SLC35D4: variants seen among roughly 807,000 people sequenced by gnomAD.
SLC35D4 encodes solute carrier family 35 member D4.
chr18:23,391,597 C>T, the SLC35D4 span, among the ~76,000 whole-genome samples: 1 of 152,206 alleles, frequency 6.6e-6, no homozygotes, highest in Non-Finnish European at 1.5e-5. Context: ...AAGTGATCCT[C>T]CCACCTCAGC....
At chr18:23,379,860 C>T in the SLC35D4 span, among the ~76,000 whole-genome samples, 1 of 151,928 alleles carries the variant, frequency 6.6e-6, no homozygotes, top group Non-Finnish European at 1.5e-5. Flanking sequence ...CTTGGGGAGG[C>T]CGAGGAGGGC....
chr18:23,352,553 A>G, the SLC35D4 span, among the ~76,000 whole-genome samples: 8 of 152,228 alleles, frequency 5.3e-5, no homozygotes, highest in African/African-American at 1.9e-4. Flanking sequence ...CTAAATCATG[A>G]AAGAAAAAAA....
chr18:23,331,189 C>T, the SLC35D4 span: 2 of 152,302 alleles, frequency 1.3e-5, no homozygotes, highest in East Asian at 1.9e-4. Context: ...AGGAAAAGCG[C>T]GCCCGTGTGG....
chr18:23,273,157 G>A, the SLC35D4 span, among the ~76,000 whole-genome samples: 1 of 152,210 alleles, frequency 6.6e-6, no homozygotes, highest in Non-Finnish European at 1.5e-5. Flanking sequence ...GGAAAGACTT[G>A]AGGGTGTTTC....
chr18:23,280,367 G>A, the SLC35D4 span, among the ~76,000 whole-genome samples: 3 of 152,218 alleles, frequency 2.0e-5, no homozygotes, highest in Non-Finnish European at 4.4e-5. Flanking sequence ...GGCTGAGGCC[G>A]GCAGCTGTCA....
chr18:23,352,220 A>C, the SLC35D4 span: 1 of 1,612,682 alleles, frequency 6.2e-7, no homozygotes. Context: ...TCCAGGCTGC[A>C]CACTGCCCTG....
At chr18:23,347,392 A>C in the SLC35D4 span, among the ~76,000 whole-genome samples, 16 of 134,132 alleles carry the variant, frequency 1.2e-4, no homozygotes, top group East Asian at 3.2e-3. Context: ...CAAATTTGAT[A>C]ATTTGCATCT....
the SLC35D4 span, among the ~76,000 whole-genome samples, chr18:23,362,444 C>T: frequency 1.3e-5 from 2 of 152,012 alleles, no homozygotes; most frequent in African/African-American, 4.8e-5. Flanking sequence ...ACTAAAAATA[C>T]AAAAATTAGC....
the SLC35D4 span, among the ~76,000 whole-genome samples, chr18:23,298,828 G>A: frequency 6.6e-6 from 1 of 152,180 alleles, no homozygotes; most frequent in Non-Finnish European, 1.5e-5. Flanking sequence ...AGAGGTGCCA[G>A]CAGCCCGTTT....
At chr18:23,405,890 G>A in the SLC35D4 span, among the ~76,000 whole-genome samples, 1 of 152,188 alleles carries the variant, frequency 6.6e-6, no homozygotes. Flanking sequence ...TAGTCACCTG[G>A]TATGTGTAAA....
the SLC35D4 span, chr18:23,258,035 A>G: frequency 6.6e-6 from 1 of 152,208 alleles, no homozygotes; most frequent in African/African-American, 2.4e-5. Flanking sequence ...TCGGTACCAG[A>G]CAGTTTGACA....
chr18:23,385,747 C>T, the SLC35D4 span, among the ~76,000 whole-genome samples: 2 of 152,062 alleles, frequency 1.3e-5, no homozygotes, highest in African/African-American at 4.8e-5. Flanking sequence ...GACCATAACA[C>T]GATCTGCATG....
the SLC35D4 span, among the ~76,000 whole-genome samples, chr18:23,308,249 C>T: frequency 6.6e-6 from 1 of 152,162 alleles, no homozygotes; most frequent in African/African-American, 2.4e-5. Context: ...CCCAGAAGCC[C>T]TGAGGAGACA....
At chr18:23,316,908 A>ACAT in the SLC35D4 span, among the ~76,000 whole-genome samples, 1 of 152,214 alleles carries the variant, frequency 6.6e-6, no homozygotes, top group Middle Eastern at 3.2e-3. Context: ...GATCCCTACA[A>ACAT]CATCCCTGCA....
At chr18:23,334,979 T>C in the SLC35D4 span, among the ~76,000 whole-genome samples, 1 of 151,238 alleles carries the variant, frequency 6.6e-6, no homozygotes, top group East Asian at 1.9e-4. Context: ...CACTCCAGCC[T>C]GAGCGACAGA....
chr18:23,283,324 T>A, the SLC35D4 span, among the ~76,000 whole-genome samples: 1 of 149,862 alleles, frequency 6.7e-6, no homozygotes, highest in Admixed American at 6.6e-5. Context: ...ACAAAAAAAA[T>A]ACAAAAATTA....
At chr18:23,420,186 C>T in the SLC35D4 span, among the ~76,000 whole-genome samples, 1 of 151,978 alleles carries the variant, frequency 6.6e-6, no homozygotes, top group African/African-American at 2.4e-5. Context: ...GCCTGTAATC[C>T]CAGCTACTCA....
chr18:23,377,589 T>A, the SLC35D4 span: 1 of 1,522,556 alleles, frequency 6.6e-7, no homozygotes, highest in Non-Finnish European at 8.8e-7. Context: ...ATCATTCAAG[T>A]TAAAAATAGG....
the SLC35D4 span, chr18:23,309,665 A>G: frequency 4.3e-6 from 7 of 1,612,858 alleles, no homozygotes; most frequent in African/African-American, 5.3e-5. Context: ...TTATCTCTCT[A>G]TGCAAAAGAC....
Sources: gnomAD v4.1 joint callset for allele counts (sites outside exome capture counted in the v4.1 genomes callset) on GRCh38, gnomAD v4.1.1 for gene constraint, MANE v1.5 for transcripts, NCBI Gene and HGNC (gene_info 2026-07-23, HGNC 2026-07-21) for gene names.